MTARC1: variants seen among roughly 807,000 people sequenced by gnomAD.
MTARC1 encodes the protein mitochondrial amidoxime-reducing component 1.
MTARC1 carries 24 observed loss-of-function variants against 33.6 expected under a neutral mutation model. The ratio of observed to expected loss-of-function variants is 0.72; its 90% CI spans 0.52 to 1.01. The LOEUF (loss-of-function observed/expected upper bound fraction) is 1.01, where lower values mean the gene tolerates loss of function less well. Ranked by LOEUF, MTARC1 falls within the 50% of genes least tolerant of loss-of-function variation. The probability of loss-of-function intolerance (pLI) is 0.00; values close to 1 mark genes in which losing one functional copy is unlikely to be tolerated. For synonymous variants in MTARC1, 187 were observed against 189.5 expected, an observed-to-expected ratio of 0.99 and a Z score of 0.11; for missense variants, 417 against 445.7, an observed-to-expected ratio of 0.94 and a Z score of 0.58.
chr1:220,810,235 T>C (rs1408672597), intron 6 of MTARC1, among the ~76,000 whole-genome samples: 1 of 152,216 alleles, frequency 6.6e-6, no homozygotes, highest in Admixed American at 6.5e-5. Context: ...GACCCATGTA[T>C]GAAAGAATAC....
In MTARC1 at chr1:220,805,213, A is replaced by G. The variant is rs1672934922; in HGVS notation, c.826A>G (p.Thr276Ala). The G allele has an allele frequency of 6.2e-7, 1 of 1,613,930 alleles. No homozygotes were observed. Among genetic ancestry groups the G allele is most frequent in the Non-Finnish European group, 8.5e-7 (1 of 1,180,028 alleles). The part of the protein sequence containing the change: ...RVMACSRCIL[T>A]TVDPDTGVMS... ...TGTGTGTGTGTCCAGATGCATTTTA[A>G]CCACAGTGGACCCAGACACCGGTGT... is the stretch of plus-strand genomic sequence containing the variant. The change falls in exon 6 of 7, where the codon ACC becomes GCC. Residue 276 changes from threonine (T) to alanine (A), a missense_variant. Coordinates refer to ENST00000366910, the MANE Select transcript of MTARC1 (RefSeq NM_022746.4).
chr1:220,789,096 A>G (rs1672339473), intron 1 of MTARC1, among the ~76,000 whole-genome samples: 1 of 152,052 alleles, frequency 6.6e-6, no homozygotes, highest in South Asian at 2.1e-4. Flanking sequence ...GGGTGCCAGC[A>G]TAGAGGATGC....
chr1:220,788,992 T>C (rs1672334118), intron 1 of MTARC1, among the ~76,000 whole-genome samples: 1 of 152,068 alleles, frequency 6.6e-6, no homozygotes, highest in African/African-American at 2.4e-5. Flanking sequence ...TTTTCGTTCA[T>C]CACACACTCC....
chr1:220,806,044 A>G (rs1672962057), intron 6 of MTARC1, among the ~76,000 whole-genome samples: 1 of 152,116 alleles, frequency 6.6e-6, no homozygotes, highest in African/African-American at 2.4e-5. Context: ...AAATGGAGAT[A>G]CTCTTTTGGT....
rs1673321469 is a variant in MTARC1, at chr1:220,818,290, C to T, written c.*4872C>T. Reference sequence around the variant, plus strand: ...GAATTGGGTGGTGGGGCACCTGCTCCCATGCTCTGTGGCCTGGCTCAGAGA... The same window carrying T: ...GAATTGGGTGGTGGGGCACCTGCTCTCATGCTCTGTGGCCTGGCTCAGAGA... On this transcript the variant is annotated 3_prime_UTR_variant, in exon 7 of 7. Coordinates refer to ENST00000366910, the MANE Select transcript of MTARC1 (RefSeq NM_022746.4). The T allele has an allele frequency of 6.6e-6, 1 of 152,238 alleles. No individual in the cohort carries two copies. The highest frequency in any genetic ancestry group is 2.4e-5 in the African/African-American group (1 of 41,448). 9.4% of individuals were successfully genotyped at this position (152,238 alleles called of 1,614,324 possible). A position where few individuals can be genotyped will look rare whatever the true frequency, so the allele number is the denominator to read the frequency against.
intron 2 of MTARC1, chr1:220,794,426 C>CAT (rs1672538350): frequency 6.6e-6 from 1 of 151,910 alleles, no homozygotes. Flanking sequence ...CACACACACA[C>CAT]AGATGCTAAG....
chr1:220,797,905 T>C lies in MTARC1; in HGVS notation c.644T>C (p.Ile215Thr). 1 of 1,614,252 alleles carries C rather than the reference T, an allele frequency of 6.2e-7. No individual in the cohort carries two copies. Among genetic ancestry groups the C allele is most frequent in the Non-Finnish European group, 8.5e-7 (1 of 1,180,036 alleles). ...IAYSDTSPFL[I>T]LSEASLADLN... is the part of the protein sequence containing the mutation. Reference sequence around the variant, plus strand: ...TACTCAGACACCAGCCCATTCTTGATCCTTTCTGAGGCGTCGCTGGCGGAT... The same window carrying C: ...TACTCAGACACCAGCCCATTCTTGACCCTTTCTGAGGCGTCGCTGGCGGAT... Residue 215 changes from isoleucine (I) to threonine (T), a missense_variant, in exon 4 of 7, where the codon ATC (isoleucine) becomes ACC (threonine). Ile to Thr is a moderately conservative substitution (Grantham distance 89). Coordinates refer to ENST00000366910, the MANE Select transcript of MTARC1 (RefSeq NM_022746.4).
At chr1:220,813,193 G>A (rs1237419990) in intron 6 of MTARC1, 99 bp from the exon 7 acceptor site, 19 of 1,522,032 alleles carry the variant, frequency 1.2e-5, no homozygotes, top group Non-Finnish European at 1.7e-5. Context: ...GCCCTCTCGA[G>A]CTGTGCGTGC....
At chr1:220,796,375 C>T (rs191730848) in intron 2 of MTARC1, among the ~76,000 whole-genome samples, 79 of 152,274 alleles carry the variant, frequency 5.2e-4, no homozygotes, top group Admixed American at 4.6e-3. Flanking sequence ...TCATTTCATC[C>T]TCCCTGCATT....
intron 6 of MTARC1, among the ~76,000 whole-genome samples, chr1:220,807,973 A>C (rs1256007680): frequency 2.6e-5 from 4 of 152,196 alleles, no homozygotes; most frequent in African/African-American, 9.6e-5. Flanking sequence ...TCAGACCCTG[A>C]GTGTTCTTCC....
Position 220,798,020 on chromosome 1 carries a change from A to C in MTARC1, c.753+6A>C. 6.2e-7 allele frequency: 1 copy of C among 1,614,212 alleles called. No homozygotes were observed. Among genetic ancestry groups the C allele is most frequent in the Non-Finnish European group, 8.5e-7 (1 of 1,180,038 alleles). On this transcript the variant is annotated splice_donor_region_variant and intron_variant, in intron 4 of 6. Transcript: ENST00000366910. ...GATGCGATGTCTATGCAGAGGTAAC[A>C]CTATGCCCCTTTGGATCTTTCCTTG...
chr1:220,811,176 A>C (rs1377274509), intron 6 of MTARC1, among the ~76,000 whole-genome samples: 4 of 152,196 alleles, frequency 2.6e-5, no homozygotes, highest in Admixed American at 6.5e-5. Flanking sequence ...TCAGAATGTC[A>C]TGAATGTTGC....
At chr1:220,800,084 C>T (rs2642441) in intron 4 of MTARC1, among the ~76,000 whole-genome samples, 43,731 of 151,956 alleles carry the variant, frequency 0.29, 6,424 homozygotes, top group African/African-American at 0.34. Flanking sequence ...CCATTTCCAC[C>T]CCAAAATTCT....
At chr1:220,802,018 G>A (rs909320864) in intron 4 of MTARC1, among the ~76,000 whole-genome samples, 2 of 151,970 alleles carry the variant, frequency 1.3e-5, no homozygotes, top group Non-Finnish European at 2.9e-5. Context: ...CCACCACCCC[G>A]CTCTGAGGAC....
Position 220,796,626 on chromosome 1 carries a change from T to G in MTARC1, c.450-17T>G. The G allele has an allele frequency of 6.4e-7, 1 of 1,553,738 alleles. No individual in the cohort carries two copies. Among genetic ancestry groups the G allele is most frequent in the Non-Finnish European group, 8.7e-7 (1 of 1,155,576 alleles). On this transcript the variant is annotated splice_polypyrimidine_tract_variant and intron_variant, in intron 2 of 6. Coordinates refer to ENST00000366910, the MANE Select transcript of MTARC1 (RefSeq NM_022746.4). ...TTTCAAAGCCATGTCTGCCCTTTGC[T>G]CCTGCTACCCCTGCAGAGTGCACGG...
rs931995869 is a variant in MTARC1, at chr1:220,803,581, C to T, written c.754-1471C>T. ...CGCTCCCTCCCTTCTCTGAAGCTACCGTGTGCTCTGAGCCTCTCCCATACC... is the reference window on the plus strand; with the variant it reads ...CGCTCCCTCCCTTCTCTGAAGCTACTGTGTGCTCTGAGCCTCTCCCATACC... On this transcript the variant is annotated intron_variant, in intron 4 of 6. Transcript: ENST00000366910. Among the ~76,000 whole-genome samples the T allele has an allele frequency of 3.3e-5, 5 of 152,242 alleles. No homozygotes were observed. The South Asian group carries it at 6.2e-4, about 19-fold the overall frequency.
rs1051783456 is a variant in MTARC1 at position 220,816,377 on chromosome 1, A to G, written c.*2959A>G. 6.6e-6 allele frequency: 1 copy of G among 152,222 alleles called. No homozygotes were observed. Among genetic ancestry groups the G allele is most frequent in the Non-Finnish European group, 1.5e-5 (1 of 68,052 alleles). 9.4% of individuals were successfully genotyped at this position (152,222 alleles called of 1,614,324 possible). ...AGAGTGGCTCTCAGACCAGACCTTG[A>G]TTGTGGGTATAATCGGAGTGTTGCT... On this transcript the variant is annotated 3_prime_UTR_variant, in exon 7 of 7. Transcript: ENST00000366910.
chr1:220,787,369 G>A, intron 1 of MTARC1, 150 bp downstream of exon 1: 1 of 1,324,594 alleles, frequency 7.5e-7, no homozygotes, highest in Admixed American at 3.6e-5. Flanking sequence ...CAAGGCCAAA[G>A]AGAAAAAGGA....
Position 220,813,761 on chromosome 1 carries a change from C to A in MTARC1, c.*343C>A. 4.7e-6 allele frequency: 1 copy of A among 211,368 alleles called. No individual in the cohort carries two copies. Among genetic ancestry groups the A allele is most frequent in the Non-Finnish European group, 9.7e-6 (1 of 102,848 alleles). 13.1% of individuals were successfully genotyped at this position (211,368 alleles called of 1,614,324 possible). ...AGACTTGCATCCTGTCACTACCACTCGTTAGAGAAAGAGAAGAAGAGAAAG... is the reference window on the plus strand; with the variant it reads ...AGACTTGCATCCTGTCACTACCACTAGTTAGAGAAAGAGAAGAAGAGAAAG... On this transcript the variant is annotated 3_prime_UTR_variant, in exon 7 of 7. Transcript: ENST00000366910.
Sources: allele counts gnomAD v4.1 joint callset (sites outside exome capture counted in the v4.1 genomes callset), GRCh38; gene constraint gnomAD v4.1.1; transcripts MANE v1.5; gene names NCBI Gene and HGNC (gene_info 2026-07-23, HGNC 2026-07-21).